Variants in LY75 observed in about 807,000 individuals in gnomAD.
LY75 encodes the protein C-type lectin domain family 13 member B.
LY75 carries 185 observed loss-of-function variants against 231.7 expected under a neutral mutation model. The observed-to-expected ratio is 0.80, with a 90% confidence interval of 0.71 to 0.90. The LOEUF (loss-of-function observed/expected upper bound fraction) is 0.90. LY75 is among the 40% of genes least tolerant of loss of function. LY75 has a pLI of 0.00. For synonymous variants in LY75, 668 were observed against 689.0 expected (o/e 0.97, Z 0.48); for missense variants, 1,947 against 2,050.2 (o/e 0.95, Z 0.97).
In LY75 at chr2:159,888,635, A is replaced by C. The variant is rs140688145; in HGVS notation, c.802+1578T>G. Among the ~76,000 whole-genome samples, 306 of 152,340 alleles carry C rather than the reference A, an allele frequency of 2.0e-3. 1 individual carries two copies. The highest frequency in any genetic ancestry group is 6.9e-3 in the African/African-American group (286 of 41,582). On this transcript the variant is annotated intron_variant, in intron 4 of 34. Coordinates refer to ENST00000263636, the MANE Select transcript of LY75 (RefSeq NM_002349.4). ...TAGTGTGACAGAATGCATCTGAATT[A>C]CTTAGACAATACATGTTTGCTTAAT...
rs1375837421 is a variant in LY75, at chr2:159,842,386, G to T, written c.3151-12C>A. 3.7e-6 allele frequency: 6 copies of T among 1,603,240 alleles called. No individual in the cohort carries two copies. The South Asian group carries it at 5.5e-5, about 15-fold the overall frequency. ...TCTTCCTCAAAAAACTAAACAAAAA[G>T]GCAAATACATACATGCAATCATGTA... On this transcript the variant is annotated splice_polypyrimidine_tract_variant and intron_variant, in intron 23 of 34. Transcript: ENST00000263636.
At chr2:159,884,236 C>T (rs1475137571) in intron 6 of LY75, among the ~76,000 whole-genome samples, 1 of 152,204 alleles carries the variant, frequency 6.6e-6, no homozygotes, top group Non-Finnish European at 1.5e-5. Context: ...GTCCATTAAA[C>T]CTCTTTTTCT....
chr2:159,840,062 C>T (rs186872837), intron 25 of LY75, among the ~76,000 whole-genome samples: 30 of 148,422 alleles, frequency 2.0e-4, no homozygotes, highest in African/African-American at 6.9e-4. Flanking sequence ...CTCTTTAACA[C>T]TATCCATAGT....
At chr2:159,806,078 C>T (rs1207532491) in intron 34 of LY75, among the ~76,000 whole-genome samples, 1 of 152,190 alleles carries the variant, frequency 6.6e-6, no homozygotes, top group Non-Finnish European at 1.5e-5. Context: ...TCGGTGTCTC[C>T]TGCTTCTAGG....
intron 23 of LY75, among the ~76,000 whole-genome samples, chr2:159,844,604 C>T (rs960421452): frequency 2.0e-5 from 3 of 151,730 alleles, no homozygotes; most frequent in African/African-American, 4.8e-5. Context: ...ACTATAGGAA[C>T]GAGGGTCACT....
chr2:159,890,070 T>C (rs918551114), intron 4 of LY75, 143 bp downstream of exon 4: 3 of 1,037,598 alleles, frequency 2.9e-6, no homozygotes, highest in Non-Finnish European at 4.0e-6. Flanking sequence ...CTTTTTTGCT[T>C]ATGGGTTTCA....
At chr2:159,886,210 G>A (rs905944541) in intron 5 of LY75, among the ~76,000 whole-genome samples, 2 of 152,120 alleles carry the variant, frequency 1.3e-5, no homozygotes, top group Admixed American at 1.3e-4. Flanking sequence ...AAGGTCTAGA[G>A]GTTCAAATGC....
At chr2:159,806,572 T>C (rs1682798237) in intron 34 of LY75, among the ~76,000 whole-genome samples, 1 of 152,212 alleles carries the variant, frequency 6.6e-6, no homozygotes, top group Non-Finnish European at 1.5e-5. Flanking sequence ...CAGTTTTGCA[T>C]TGTTTTAAAA....
At position 159,804,081 on chromosome 2, in the gene LY75, G is replaced by A. The variant is rs1682728502; in HGVS notation, c.*963C>T. On this transcript the variant is annotated 3_prime_UTR_variant, in exon 35 of 35. Coordinates refer to ENST00000263636, the MANE Select transcript of LY75 (RefSeq NM_002349.4). ...GTTCCCACACTTGGGAAAATGTTAA[G>A]CACTAAATCTTTAAAAGTCATTGTT... 6.6e-6 allele frequency: 1 copy of A among 152,052 alleles called. No homozygotes were observed. The highest frequency in any genetic ancestry group is 1.5e-5 in the Non-Finnish European group (1 of 68,034). 9.4% of individuals were successfully genotyped at this position (152,052 alleles called of 1,614,324 possible). A position where few individuals can be genotyped will look rare whatever the true frequency, so the allele number is the denominator to read the frequency against.
At chr2:159,839,909 A>G (rs1449395160) in intron 25 of LY75, among the ~76,000 whole-genome samples, 2 of 150,734 alleles carry the variant, frequency 1.3e-5, no homozygotes, top group African/African-American at 4.9e-5. Context: ...AGGAGGCTGA[A>G]GCATGAGAAT....
intron 28 of LY75, among the ~76,000 whole-genome samples, chr2:159,831,143 T>C (rs551736349): frequency 1.3e-5 from 2 of 152,366 alleles, no homozygotes; most frequent in East Asian, 1.9e-4. Context: ...TGTTGAATTA[T>C]GATCTTCAGT....
intron 16 of LY75, 105 bp from the exon 17 acceptor site, chr2:159,855,044 G>T: frequency 6.8e-7 from 1 of 1,472,152 alleles, no homozygotes; most frequent in Non-Finnish European, 9.3e-7. Context: ...GTATTGTTGA[G>T]TCTTGTCCAT....
In LY75 at chr2:159,842,284, T is replaced by A. The variant is rs771074260; in HGVS notation, c.3241A>T (p.Ser1081Cys). The A allele has an allele frequency of 1.7e-5, 27 of 1,612,536 alleles. No homozygotes were observed. Among genetic ancestry groups the A allele is most frequent in the Admixed American group, 8.3e-5 (5 of 59,964 alleles). Residue 1081 changes from serine (S) to cysteine (C), a missense_variant, in exon 24 of 35, where the codon AGT becomes TGT. Physicochemically the swap from Ser to Cys is moderately radical, Grantham distance 112. Transcript: ENST00000263636. ...FTGTWNFTSC[S>C]ERHFVSLCQK... ...CAGAGAGACACAAAGTGGCGTTCAC[T>A]GCAGGATGTAAAATTCCACGTCCCA...
intron 13 of LY75, chr2:159,871,822 T>A (rs1685021419): frequency 6.6e-6 from 1 of 152,310 alleles, no homozygotes; most frequent in East Asian, 1.9e-4. Flanking sequence ...TATGCAGGTA[T>A]ATGTGAGTGT....
At chr2:159,899,157 C>A (rs1447294602) in intron 1 of LY75, 98 bp from the exon 2 acceptor site, 3 of 1,518,820 alleles carry the variant, frequency 2.0e-6, no homozygotes, top group Non-Finnish European at 2.6e-6. Flanking sequence ...CTGTTCCCAT[C>A]CTCAGTCTGT....
At chr2:159,830,660 G>A (rs1269444682) in intron 28 of LY75, among the ~76,000 whole-genome samples, 1 of 149,382 alleles carries the variant, frequency 6.7e-6, no homozygotes, top group Non-Finnish European at 1.5e-5. Context: ...CACCATCTTG[G>A]CTCACCGCAA....
Position 159,858,361 on chromosome 2 carries a change from C to A in LY75, c.2383+1G>T. ...TGTGAAAAGGAATAACTACCACTTA[C>A]CTTTTGGAATTTGGCACACCCATTC... is the stretch of plus-strand genomic sequence containing the variant. On this transcript the variant is annotated splice_donor_variant, in intron 16 of 34. Coordinates refer to ENST00000263636, the MANE Select transcript of LY75 (RefSeq NM_002349.4). LOFTEE classifies it high-confidence loss of function. 2 of 1,612,780 alleles carry A rather than the reference C, an allele frequency of 1.2e-6. No individual in the cohort carries two copies. The highest frequency in any genetic ancestry group is 3.3e-4 in the Middle Eastern group (2 of 6,050).
chr2:159,847,000 T>C (rs956219691), intron 23 of LY75, among the ~76,000 whole-genome samples: 2 of 152,158 alleles, frequency 1.3e-5, no homozygotes, highest in African/African-American at 4.8e-5. Flanking sequence ...CAATTTTATT[T>C]TCTCTCTCTT....
At chr2:159,850,789 T>TATATATATATATATATATATATAAAAAA (rs796940571) in intron 21 of LY75, among the ~76,000 whole-genome samples, 1 of 88,666 alleles carries the variant, frequency 1.1e-5, no homozygotes, top group Non-Finnish European at 2.6e-5. Context: ...TATATATATA[T>TATATATATATATATATATATATAAAAAA]ATATATATAT....
Sources: gnomAD v4.1 joint callset for allele counts (sites outside exome capture counted in the v4.1 genomes callset) on GRCh38, gnomAD v4.1.1 for gene constraint, MANE v1.5 for transcripts, NCBI Gene and HGNC (gene_info 2026-07-23, HGNC 2026-07-21) for gene names.